Variants in LCOR observed in about 807,000 individuals in gnomAD.
LCOR encodes ligand-dependent corepressor.
A neutral mutation model predicts 64.4 loss-of-function variants in LCOR; 14 were observed. That is an observed-to-expected ratio of 0.22 (90% confidence interval 0.14 to 0.34). The LOEUF (loss-of-function observed/expected upper bound fraction) is 0.34, where lower values mean the gene tolerates loss of function less well. LCOR is among the 10% of genes least tolerant of loss of function. LCOR has a pLI of 1.00. For synonymous variants in LCOR, 643 were observed against 642.5 expected, an observed-to-expected ratio of 1.00 and a Z score of -0.01; for missense variants, 1,686 against 1,765.3, an observed-to-expected ratio of 0.96 and a Z score of 0.80.
rs557055633 is a variant in LCOR at position 96,981,184 on chromosome 10, G to A, written c.724G>A (p.Val242Ile). 1.4e-5 allele frequency: 10 copies of A among 728,308 alleles called. No homozygotes were observed. Among genetic ancestry groups the A allele is most frequent in the Admixed American group, 6.0e-5 (3 of 50,040 alleles). The allele number at this position is 728,308 out of a possible 1,614,324, so 45.1% of individuals were successfully genotyped here. A position where few individuals can be genotyped will look rare whatever the true frequency, so the allele number is the denominator to read the frequency against. The change falls in exon 8 of 8, where the codon GTT (valine) becomes ATT (isoleucine). Residue 242 changes from valine to isoleucine, a missense_variant. Val to Ile is a conservative substitution (Grantham distance 29). Coordinates refer to ENST00000421806, the MANE Select transcript of LCOR (RefSeq NM_001346516.2). ...PVDGRENALT[V>I]VQKDSSELPT... The stretch of plus-strand genomic sequence containing the variant: ...AGATGGAAGAGAGAATGCCTTGACT[G>A]TTGTCCAGAAAGATTCCTCTGAACT...
At chr10:96,880,424 G>C (rs1433889398) in intron 2 of LCOR, among the ~76,000 whole-genome samples, 1 of 152,074 alleles carries the variant, frequency 6.6e-6, no homozygotes. Flanking sequence ...TTTGGGAAGA[G>C]TCTCACTCTG....
chr10:96,875,712 G>C (rs1461372448), intron 2 of LCOR, among the ~76,000 whole-genome samples: 1 of 151,796 alleles, frequency 6.6e-6, no homozygotes, highest in Non-Finnish European at 1.5e-5. Flanking sequence ...AAATATAAGA[G>C]TTAGCTGGGT....
chr10:96,916,688 C>T (rs551211919), intron 4 of LCOR, among the ~76,000 whole-genome samples: 4 of 151,664 alleles, frequency 2.6e-5, no homozygotes, highest in African/African-American at 4.8e-5. Flanking sequence ...GATCTCAGCT[C>T]GCTGCAACCC....
chr10:96,953,640 C>T (rs1021148843), intron 7 of LCOR, among the ~76,000 whole-genome samples: 2 of 152,144 alleles, frequency 1.3e-5, no homozygotes, highest in Admixed American at 6.5e-5. Flanking sequence ...TAAACAAATC[C>T]TTTGCTTAAG....
In LCOR at chr10:96,832,982, C is replaced by T. The variant is rs531963342; in HGVS notation, c.-403-424C>T. 466 of 983,512 alleles carry T rather than the reference C, an allele frequency of 4.7e-4. 10 individuals carry two copies. In the East Asian group the frequency reaches 0.027, roughly 57 times the overall value. The allele number at this position is 983,512 out of a possible 1,614,324, so 60.9% of individuals were successfully genotyped here. On this transcript the variant is annotated intron_variant, in intron 1 of 7. Coordinates refer to ENST00000421806, the MANE Select transcript of LCOR (RefSeq NM_001346516.2). ...GCGAAGCGTGAGGTGGAGATGGGGG[C>T]GGAGGGAGCTGGAGCTGTCACAGTC... is the stretch of plus-strand genomic sequence containing the variant.
intron 2 of LCOR, among the ~76,000 whole-genome samples, chr10:96,834,504 ATTAC>A (rs1845407451): frequency 6.6e-6 from 1 of 152,180 alleles, no homozygotes; most frequent in African/African-American, 2.4e-5. Flanking sequence ...TACTTTTTGA[ATTAC>A]TTGGTATTTC....
chr10:96,858,756 G>A (rs1403448138), intron 2 of LCOR, among the ~76,000 whole-genome samples: 1 of 152,024 alleles, frequency 6.6e-6, no homozygotes, highest in East Asian at 1.9e-4. Context: ...TTCTAATATT[G>A]TTTATATTTT....
Position 96,984,022 on chromosome 10 carries a change from T to C in LCOR, c.3562T>C (p.Leu1188=). 6.2e-7 allele frequency: 1 copy of C among 1,614,156 alleles called. No individual in the cohort carries two copies. Among genetic ancestry groups the C allele is most frequent in the Non-Finnish European group, 8.5e-7 (1 of 1,180,018 alleles). ...ATTATCTAATGTTTGTAAATGGTTC[T>C]TAGAGACAACTGAAACCCGGTCTCT... ...FKLSNVCKWF[L]ETTETRSLVI... Residue 1188 remains leucine (L), a synonymous_variant, in exon 8 of 8, where the codon TTA becomes CTA. Coordinates refer to ENST00000421806, the MANE Select transcript of LCOR (RefSeq NM_001346516.2).
chr10:96,847,008 C>T (rs1488356329), intron 2 of LCOR, among the ~76,000 whole-genome samples: 4 of 151,996 alleles, frequency 2.6e-5, no homozygotes, highest in East Asian at 1.9e-4. Context: ...TTTGGGAGAC[C>T]GAGGTGGGAG....
rs1173550377 is a variant in LCOR, at chr10:96,833,456, A to G, written c.-353A>G. ...CGGCGGGACCATAAGGGCTTAACTC[A>G]TATATTTAACCCCCCTCCAAAAAGT... On this transcript the variant is annotated 5_prime_UTR_variant, in exon 2 of 8. Coordinates refer to ENST00000421806, the MANE Select transcript of LCOR (RefSeq NM_001346516.2). 1.0e-6 allele frequency: 1 copy of G among 985,828 alleles called. No individual in the cohort carries two copies. The highest frequency in any genetic ancestry group is 1.2e-6 in the Non-Finnish European group (1 of 830,090). 61.1% of individuals were successfully genotyped at this position (985,828 alleles called of 1,614,324 possible). A position where few individuals can be genotyped will look rare whatever the true frequency, so the allele number is the denominator to read the frequency against.
At chr10:96,925,147 C>G (rs1847145985) in intron 4 of LCOR, among the ~76,000 whole-genome samples, 1 of 152,034 alleles carries the variant, frequency 6.6e-6, no homozygotes, top group Non-Finnish European at 1.5e-5. Context: ...GCAATCTGGG[C>G]TCACAGCAAC....
intron 4 of LCOR, among the ~76,000 whole-genome samples, chr10:96,910,094 A>G (rs907981032): frequency 2.0e-5 from 3 of 152,064 alleles, no homozygotes; most frequent in Non-Finnish European, 4.4e-5. Flanking sequence ...AATTTTTTTT[A>G]AGAGACAGGG....
At chr10:96,941,732 G>T (rs1348084491) in intron 4 of LCOR, among the ~76,000 whole-genome samples, 1 of 151,472 alleles carries the variant, frequency 6.6e-6, no homozygotes, top group African/African-American at 2.4e-5. Flanking sequence ...AGACGGGGCG[G>T]CCGGGCAGAG....
At chr10:96,868,862 G>C (rs1452023592) in intron 2 of LCOR, among the ~76,000 whole-genome samples, 1 of 152,170 alleles carries the variant, frequency 6.6e-6, no homozygotes, top group Non-Finnish European at 1.5e-5. Context: ...CTGACACACA[G>C]TGGGTGTCCA....
chr10:96,978,709 T>C (rs1848057604), intron 7 of LCOR, among the ~76,000 whole-genome samples: 4 of 152,222 alleles, frequency 2.6e-5, no homozygotes, highest in Admixed American at 2.6e-4. Flanking sequence ...ACCTTTTCTC[T>C]GGTAAAGCAG....
intron 7 of LCOR, chr10:96,958,391 T>A: frequency 6.6e-7 from 1 of 1,523,604 alleles, no homozygotes; most frequent in Non-Finnish European, 8.8e-7. Context: ...CTAACATAAA[T>A]ATTTTCTATG....
At position 96,981,555 on chromosome 10, in the gene LCOR, C is replaced by T. The variant is rs770743899; in HGVS notation, c.1095C>T (p.Asp365=). Residue 365 remains aspartate, a synonymous_variant, in exon 8 of 8, where the codon GAC becomes GAT. Coordinates refer to ENST00000421806, the MANE Select transcript of LCOR (RefSeq NM_001346516.2). ...GFMGNSSRTA[D]KENTLQCPKT... ...TGGGGAACTCATCTAGAACTGCTGACAAAGAGAATACTTTACAGTGTCCAA... is the reference window on the plus strand; with the variant it reads ...TGGGGAACTCATCTAGAACTGCTGATAAAGAGAATACTTTACAGTGTCCAA... 2 of 1,614,054 alleles carry T rather than the reference C, an allele frequency of 1.2e-6. No homozygotes were observed. The highest frequency in any genetic ancestry group is 1.7e-6 in the Non-Finnish European group (2 of 1,180,034).
intron 7 of LCOR, 54 bp from the exon 8 acceptor site, chr10:96,980,739 A>G: frequency 4.9e-6 from 3 of 615,692 alleles, no homozygotes; most frequent in Non-Finnish European, 8.7e-6. Flanking sequence ...TAATGTAAAA[A>G]TGGTTCTTTG....
At chr10:96,907,408 C>A in intron 3 of LCOR, 78 bp downstream of exon 3, 1 of 388,722 alleles carries the variant, frequency 2.6e-6, no homozygotes, top group Non-Finnish European at 3.5e-6. Flanking sequence ...CCTCAGTCTC[C>A]TTTTTATTCA....
Sources: allele counts gnomAD v4.1 joint callset (sites outside exome capture counted in the v4.1 genomes callset), GRCh38; gene constraint gnomAD v4.1.1; transcripts MANE v1.5; gene names NCBI Gene and HGNC (gene_info 2026-07-23, HGNC 2026-07-21).